Variants in TRABD2B observed in about 807,000 individuals in gnomAD.
TRABD2B encodes metalloprotease TIKI2.
Under a neutral mutation model 40.1 loss-of-function variants are expected in TRABD2B, and 14 were observed. The observed-to-expected ratio is 0.35, with a 90% CI of 0.23 to 0.55. The LOEUF is 0.55. TRABD2B is among the 20% of genes least tolerant of loss of function. TRABD2B has a pLI of 0.90. For missense variants in TRABD2B, 541 were observed against 648.6 expected (o/e 0.83, Z 1.80); for synonymous variants, 263 against 277.0 (o/e 0.95, Z 0.50).
chr1:47,887,966 C>G (rs1022311491), intron 2 of TRABD2B, among the ~76,000 whole-genome samples: 11 of 152,178 alleles, frequency 7.2e-5, no homozygotes, highest in Non-Finnish European at 1.5e-4. Context: ...GCCTGCCCTC[C>G]GGAGCCCAGG....
chr1:47,936,544 A>C (rs1645109096), intron 2 of TRABD2B, among the ~76,000 whole-genome samples: 1 of 152,220 alleles, frequency 6.6e-6, no homozygotes, highest in African/African-American at 2.4e-5. Flanking sequence ...GCGTATCTTC[A>C]GTTACAGAGG....
At chr1:47,773,022 G>A (rs1016307463) in intron 6 of TRABD2B, among the ~76,000 whole-genome samples, 12 of 152,250 alleles carry the variant, frequency 7.9e-5, no homozygotes, top group Non-Finnish European at 1.5e-4. Context: ...TTGTGAGAAG[G>A]AAGCCGTTTG....
intron 2 of TRABD2B, among the ~76,000 whole-genome samples, chr1:47,810,715 G>A (rs980061627): frequency 6.6e-6 from 1 of 152,206 alleles, no homozygotes; most frequent in Non-Finnish European, 1.5e-5. Flanking sequence ...CCATAGTGAG[G>A]CAGCAGGGAG....
chr1:47,801,569 G>T lies in TRABD2B; in HGVS notation c.717C>A (p.Ala239=), dbSNP rs2289386. ...QTLLQQESVR[A]GSLQASYTTE... ...TGGTGTAGGAGGCCTGCAGGCTCCC[G>T]GCCCGCACACTCTCCTGCTGCAGCA... is the stretch of plus-strand genomic sequence containing the variant. Residue 239 remains alanine, a synonymous_variant, in exon 3 of 7, where the codon GCC becomes GCA. Transcript: ENST00000606738. 9.4e-5 allele frequency: 145 copies of T among 1,535,972 alleles called. No individual in the cohort carries two copies. In the South Asian group the frequency reaches 1.7e-3, roughly 18 times the overall value.
At chr1:47,989,492 A>G (rs1227337323) in intron 2 of TRABD2B, among the ~76,000 whole-genome samples, 2 of 151,880 alleles carry the variant, frequency 1.3e-5, no homozygotes, top group African/African-American at 4.8e-5. Context: ...CTCTGACTAT[A>G]AACCAAGGAG....
rs151198930 is a variant in TRABD2B, at chr1:47,847,043, T to G, written c.667-45424A>C. Among the ~76,000 whole-genome samples the G allele has an allele frequency of 5.4e-3, 816 of 152,030 alleles. 11 individuals are homozygous for G. Among genetic ancestry groups the G allele is most frequent in the African/African-American group, 0.019 (781 of 41,470 alleles). On this transcript the variant is annotated intron_variant, in intron 2 of 6. Transcript: ENST00000606738. ...CCTCCCAGGTGTTTCTTCTCTGACC[T>G]CCTCCCCACTGGAGCATCTGGAGAG...
intron 2 of TRABD2B, among the ~76,000 whole-genome samples, chr1:47,905,986 G>C (rs1644671535): frequency 6.6e-6 from 1 of 152,154 alleles, no homozygotes; most frequent in Non-Finnish European, 1.5e-5. Context: ...GGGCTTAGAG[G>C]TCTTCCAGCA....
chr1:47,966,593 C>A (rs1311392998), intron 2 of TRABD2B, among the ~76,000 whole-genome samples: 1 of 152,154 alleles, frequency 6.6e-6, no homozygotes, highest in Non-Finnish European at 1.5e-5. Context: ...CTTTGCCAAT[C>A]TCAAGAAGGA....
At chr1:47,826,732 C>G (rs1019360690) in intron 2 of TRABD2B, among the ~76,000 whole-genome samples, 1 of 152,144 alleles carries the variant, frequency 6.6e-6, no homozygotes, top group Non-Finnish European at 1.5e-5. Context: ...TGCCATCATG[C>G]CTGGCTAATT....
At chr1:47,770,556 G>T (rs554620627) in intron 6 of TRABD2B, among the ~76,000 whole-genome samples, 2 of 152,330 alleles carry the variant, frequency 1.3e-5, no homozygotes, top group East Asian at 3.9e-4. Flanking sequence ...TCCCTCAGAT[G>T]GGAAACTGGG....
intron 4 of TRABD2B, among the ~76,000 whole-genome samples, chr1:47,790,005 T>G (rs914926241): frequency 2.0e-5 from 3 of 152,084 alleles, no homozygotes; most frequent in Admixed American, 6.5e-5. Context: ...TTTTGCCAAA[T>G]GAGGACTTTG....
chr1:47,860,564 A>G (rs1256952995), intron 2 of TRABD2B, among the ~76,000 whole-genome samples: 1 of 152,114 alleles, frequency 6.6e-6, no homozygotes, highest in Non-Finnish European at 1.5e-5. Flanking sequence ...GGATTCCTGA[A>G]TGACTTTTCT....
At chr1:47,814,201 C>T (rs72892383) in intron 2 of TRABD2B, among the ~76,000 whole-genome samples, 7,188 of 152,252 alleles carry the variant, frequency 0.047, 280 homozygotes, top group Admixed American at 0.1. Flanking sequence ...GTGTCAGTGA[C>T]GGCAGGGGCT....
chr1:47,767,314 G>A (rs1433588321), intron 6 of TRABD2B, among the ~76,000 whole-genome samples: 1 of 152,216 alleles, frequency 6.6e-6, no homozygotes, highest in Non-Finnish European at 1.5e-5. Context: ...GAGCACCGGG[G>A]GGCAGCAGGT....
At chr1:47,883,758 A>G (rs899584763) in intron 2 of TRABD2B, among the ~76,000 whole-genome samples, 4 of 152,236 alleles carry the variant, frequency 2.6e-5, no homozygotes, top group Non-Finnish European at 5.9e-5. Context: ...CCCACTGTTC[A>G]GTCTCCATGA....
intron 4 of TRABD2B, 97 bp downstream of exon 4, chr1:47,794,489 G>T: frequency 7.4e-7 from 1 of 1,347,354 alleles, no homozygotes; most frequent in Non-Finnish European, 9.8e-7. Context: ...CCCCATCCTG[G>T]GCCTCGACTT....
chr1:47,910,986 C>G (rs1553164438), intron 2 of TRABD2B, among the ~76,000 whole-genome samples: 1 of 152,148 alleles, frequency 6.6e-6, no homozygotes, highest in Non-Finnish European at 1.5e-5. Flanking sequence ...AATGGCCAGG[C>G]AGAGGATGGA....
At chr1:47,959,575 T>C (rs1434009841) in intron 2 of TRABD2B, among the ~76,000 whole-genome samples, 2 of 152,098 alleles carry the variant, frequency 1.3e-5, no homozygotes, top group African/African-American at 2.4e-5. Flanking sequence ...AGAATACTTT[T>C]ATAAATACCT....
At position 47,996,856 on chromosome 1, in the gene TRABD2B, C is replaced by A. The variant is rs577361144; in HGVS notation, c.-67G>T. On this transcript the variant is annotated 5_prime_UTR_variant, in exon 1 of 7. Transcript: ENST00000606738. This position sits in a 1 kb window ranked among gnomAD's most constrained non-coding sequence, Gnocchi z 4.6. ...CGCCCCTCAGCGGGGCGGGGAGCCC[C>A]CAGTTGGGCACGGAGTTTCCTCTGG... is the stretch of plus-strand genomic sequence containing the variant. 1,049 of 1,156,982 alleles carry A rather than the reference C, an allele frequency of 9.1e-4. 3 individuals carry two copies. Among genetic ancestry groups the A allele is most frequent in the Middle Eastern group, 8.5e-3 (24 of 2,808 alleles). 71.7% of individuals were successfully genotyped at this position (1,156,982 alleles called of 1,614,324 possible).
Sources: allele counts gnomAD v4.1 joint callset (sites outside exome capture counted in the v4.1 genomes callset), GRCh38; gene constraint gnomAD v4.1.1; non-coding constraint Gnocchi (gnomAD v3.1); transcripts MANE v1.5; gene names NCBI Gene and HGNC (gene_info 2026-07-23, HGNC 2026-07-21).